CDKAL1: variants seen among roughly 807,000 people sequenced by gnomAD.
CDKAL1 encodes threonylcarbamoyladenosine tRNA methylthiotransferase.
In CDKAL1, 32 loss-of-function variants were observed where a neutral mutation model predicts 68.2. The ratio of observed to expected loss-of-function variants is 0.47; its 90% CI spans 0.35 to 0.63. The LOEUF is 0.63. Ranked by LOEUF, CDKAL1 falls within the 30% of genes least tolerant of loss-of-function variation. CDKAL1 has a pLI of 0.00. For missense variants in CDKAL1, 606 were observed against 696.7 expected (o/e 0.87, Z 1.47); for synonymous variants, 234 against 244.3 (o/e 0.96, Z 0.39).
At chr6:20,899,276 G>A (rs1352458433) in intron 9 of CDKAL1, among the ~76,000 whole-genome samples, 1 of 151,840 alleles carries the variant, frequency 6.6e-6, no homozygotes, top group Non-Finnish European at 1.5e-5. Flanking sequence ...TGTTGGCCAG[G>A]ATGGTCTCAA....
chr6:20,901,896 C>T (rs538721340), intron 9 of CDKAL1, among the ~76,000 whole-genome samples: 3 of 151,946 alleles, frequency 2.0e-5, no homozygotes, highest in African/African-American at 4.8e-5. Flanking sequence ...CATGCCTCAG[C>T]CTCCTAAGTA....
chr6:20,803,610 A>G (rs1190119769), intron 8 of CDKAL1, among the ~76,000 whole-genome samples: 1 of 152,180 alleles, frequency 6.6e-6, no homozygotes, highest in Non-Finnish European at 1.5e-5. Context: ...TTTAGGTTAA[A>G]TGCAGATTGA....
At chr6:21,083,368 A>G (rs1772515456) in intron 12 of CDKAL1, among the ~76,000 whole-genome samples, 1 of 152,124 alleles carries the variant, frequency 6.6e-6, no homozygotes, top group South Asian at 2.1e-4. Flanking sequence ...TGAATTAGGG[A>G]TGCTCAACCT....
intron 13 of CDKAL1, among the ~76,000 whole-genome samples, chr6:21,176,050 C>T (rs1256700427): frequency 1.3e-5 from 2 of 152,232 alleles, no homozygotes; most frequent in African/African-American, 4.8e-5. Context: ...TCAGGCTCCT[C>T]ATGAAGAGAT....
At chr6:20,554,297 G>A (rs1017450335) in intron 4 of CDKAL1, among the ~76,000 whole-genome samples, 12 of 152,206 alleles carry the variant, frequency 7.9e-5, no homozygotes, top group African/African-American at 2.7e-4. Flanking sequence ...TTCCCTGTGA[G>A]CACCATGGCT....
intron 4 of CDKAL1, chr6:20,599,245 T>C (rs529910509): frequency 6.1e-6 from 2 of 326,466 alleles, no homozygotes; most frequent in South Asian, 5.6e-5. Context: ...TTAAAAAGTA[T>C]AAATCCAGAG....
chr6:20,706,812 G>C (rs1771618122), intron 5 of CDKAL1, among the ~76,000 whole-genome samples: 1 of 152,068 alleles, frequency 6.6e-6, no homozygotes. Context: ...ACTTGCATAA[G>C]TCCTGTGCTG....
intron 9 of CDKAL1, among the ~76,000 whole-genome samples, chr6:20,865,551 A>G (rs1257255968): frequency 3.9e-5 from 6 of 152,140 alleles, no homozygotes; most frequent in East Asian, 1.9e-4. Context: ...TAATATTTGT[A>G]TTAGTAAACA....
At chr6:20,654,751 A>C (rs1175817460) in intron 5 of CDKAL1, among the ~76,000 whole-genome samples, 1 of 151,952 alleles carries the variant, frequency 6.6e-6, no homozygotes, top group Non-Finnish European at 1.5e-5. Context: ...CCACCCTCTC[A>C]TATGTTGAGT....
chr6:20,794,961 G>A (rs138726569), intron 8 of CDKAL1, among the ~76,000 whole-genome samples: 1 of 152,244 alleles, frequency 6.6e-6, no homozygotes. Context: ...ATACTGTTTG[G>A]TGGATCAGAG....
chr6:21,183,191 G>C (rs1777862072), intron 13 of CDKAL1, among the ~76,000 whole-genome samples: 1 of 149,642 alleles, frequency 6.7e-6, no homozygotes, highest in African/African-American at 2.5e-5. Flanking sequence ...TGAAAAAAAT[G>C]AATTGCAGAT....
chr6:20,712,239 A>G (rs1459994757), intron 5 of CDKAL1, among the ~76,000 whole-genome samples: 1 of 152,208 alleles, frequency 6.6e-6, no homozygotes, highest in African/African-American at 2.4e-5. Flanking sequence ...TCGGGGCAGT[A>G]TGCAGGGTGC....
chr6:20,928,279 C>T (rs918663715), intron 9 of CDKAL1, among the ~76,000 whole-genome samples: 6 of 152,112 alleles, frequency 3.9e-5, no homozygotes, highest in African/African-American at 1.2e-4. Flanking sequence ...AGTAATTGTT[C>T]AATAGTTCTT....
chr6:21,206,531 A>G (rs991783002), intron 15 of CDKAL1, among the ~76,000 whole-genome samples: 1 of 152,230 alleles, frequency 6.6e-6, no homozygotes, highest in Non-Finnish European at 1.5e-5. Flanking sequence ...TTTGCCTGGT[A>G]CGAGATAGAA....
At chr6:20,587,868 G>T (rs1765439821) in intron 4 of CDKAL1, among the ~76,000 whole-genome samples, 1 of 152,078 alleles carries the variant, frequency 6.6e-6, no homozygotes, top group Admixed American at 6.6e-5. Flanking sequence ...GGTTAAGTTG[G>T]GCAGATTGCT....
chr6:20,934,499 G>A (rs1025089031), intron 9 of CDKAL1, among the ~76,000 whole-genome samples: 2 of 152,076 alleles, frequency 1.3e-5, no homozygotes, highest in African/African-American at 4.8e-5. Context: ...TCTTAGTTGT[G>A]TAGTCTGTTT....
chr6:20,547,003 C>G (rs1337355727), intron 3 of CDKAL1, among the ~76,000 whole-genome samples: 1 of 152,052 alleles, frequency 6.6e-6, no homozygotes. Flanking sequence ...AGAAGTGTTT[C>G]AGATATCACA....
chr6:21,081,454 G>A (rs1297314423), intron 12 of CDKAL1, among the ~76,000 whole-genome samples: 2 of 151,744 alleles, frequency 1.3e-5, no homozygotes, highest in Non-Finnish European at 2.9e-5. Context: ...ATATGAACTT[G>A]ATTTATTAAA....
intron 13 of CDKAL1, among the ~76,000 whole-genome samples, chr6:21,175,900 G>A (rs1777554010): frequency 6.6e-6 from 1 of 152,242 alleles, no homozygotes; most frequent in African/African-American, 2.4e-5. Context: ...ACTGTCACTT[G>A]TCTGTAAAAT....
Sources: gnomAD v4.1 joint callset for allele counts (sites outside exome capture counted in the v4.1 genomes callset) on GRCh38, gnomAD v4.1.1 for gene constraint, MANE v1.5 for transcripts, NCBI Gene and HGNC (gene_info 2026-07-23, HGNC 2026-07-21) for gene names.